Variants in ANKRD46 observed in about 807,000 individuals in gnomAD.
ANKRD46 encodes the protein ankyrin repeat domain 46, also known as ankyrin repeat domain-containing protein 46.
In ANKRD46, 13 loss-of-function variants were observed where a neutral mutation model predicts 19.8. That is an observed-to-expected ratio of 0.66 (90% CI 0.43 to 1.04). The LOEUF is 1.04. Ranked by LOEUF, ANKRD46 falls within the 50% of genes least tolerant of loss-of-function variation. The probability of loss-of-function intolerance (pLI) is 0.00; values close to 1 mark genes in which losing one functional copy is unlikely to be tolerated. For synonymous variants in ANKRD46, 91 were observed against 106.9 expected (o/e 0.85, Z 0.92); for missense variants, 185 against 274.8 (o/e 0.67, Z 2.31).
chr8:100,544,536 A>C lies in ANKRD46; in HGVS notation c.-130-11225T>G, dbSNP rs751211902. Among the ~76,000 whole-genome samples the C allele has an allele frequency of 2.8e-4, 43 of 152,342 alleles. No homozygotes were observed. Among genetic ancestry groups the C allele is most frequent in the Non-Finnish European group, 5.1e-4 (35 of 68,038 alleles). On this transcript the variant is annotated intron_variant, in intron 1 of 4. Coordinates refer to ENST00000335659, the MANE Select transcript of ANKRD46 (RefSeq NM_001270377.2). This position sits in a 1 kb window ranked among gnomAD's most constrained non-coding sequence, Gnocchi z 4.4. ...AAGGCAGACTTCCAGACTTGAATCA[A>C]GAGATCCATGATCTGTGAATTTATC...
intron 1 of ANKRD46, chr8:100,551,833 A>G (rs778477595): frequency 8.8e-5 from 33 of 376,888 alleles, no homozygotes; most frequent in Non-Finnish European, 1.6e-4. Flanking sequence ...TTTGGATAAC[A>G]GTCTTCATCA....
downstream of ANKRD46, among the ~76,000 whole-genome samples, chr8:100,515,878 T>C (rs1811623333): frequency 6.6e-6 from 1 of 151,904 alleles, no homozygotes; most frequent in Non-Finnish European, 1.5e-5. Flanking sequence ...GTTTTTGTTT[T>C]TTTTTTTTTT....
rs117419131 is a variant in ANKRD46, at chr8:100,534,136, G to A, written c.-130-825C>T. Among the ~76,000 whole-genome samples, 445 of 152,298 alleles carry A rather than the reference G, an allele frequency of 2.9e-3. 1 individual carries two copies. Among genetic ancestry groups the A allele is most frequent in the Non-Finnish European group, 3.2e-3 (215 of 68,026 alleles). On this transcript the variant is annotated intron_variant, in intron 1 of 4. Coordinates refer to ENST00000335659, the MANE Select transcript of ANKRD46 (RefSeq NM_001270377.2). This position sits in a 1 kb window ranked among gnomAD's most constrained non-coding sequence, Gnocchi z 4.2. ...AGTCCAAATCCCAAATTCCTGGTCA[G>A]GGTGAAATACAGGTTAACTTTTTAC...
chr8:100,550,784 C>A lies in ANKRD46; in HGVS notation c.-131+8927G>T, dbSNP rs547353625. The A allele has an allele frequency of 2.2e-6, 1 of 458,702 alleles. No homozygotes were observed. The highest frequency in any genetic ancestry group is 4.2e-6 in the Non-Finnish European group (1 of 235,650). The allele number at this position is 458,702 out of a possible 1,614,324, so 28.4% of individuals were successfully genotyped here. A position where few individuals can be genotyped will look rare whatever the true frequency, so the allele number is the denominator to read the frequency against. The stretch of plus-strand genomic sequence containing the variant: ...TGCTGTAGCCAAATTCACTGTTGTA[C>A]GAGGAAATGAGCTTGACAAAGTGGT... On this transcript the variant is annotated intron_variant, in intron 1 of 4. Transcript: ENST00000335659. This position sits in a 1 kb window ranked among gnomAD's most constrained non-coding sequence, Gnocchi z 4.4.
At chr8:100,555,054 A>G in intron 1 of ANKRD46, among the ~76,000 whole-genome samples, 1 of 152,076 alleles carries the variant, frequency 6.6e-6, no homozygotes, top group Non-Finnish European at 1.5e-5. Flanking sequence ...AGACATAACC[A>G]TAAACTTAAG....
chr8:100,530,892 C>T (rs978278202), intron 2 of ANKRD46, among the ~76,000 whole-genome samples: 3 of 152,240 alleles, frequency 2.0e-5, no homozygotes, highest in Middle Eastern at 3.4e-3. Context: ...TCTGGGAATA[C>T]CAAGTCAGGA....
intron 1 of ANKRD46, among the ~76,000 whole-genome samples, chr8:100,533,720 T>C (rs1295250081): frequency 2.0e-5 from 3 of 152,212 alleles, no homozygotes; most frequent in Admixed American, 2.0e-4. Context: ...ATACTATTCA[T>C]AGTGGGAAAA....
In ANKRD46 at chr8:100,543,647, ACT is replaced by A. The variant is rs1447504136; in HGVS notation, c.-130-10338_-130-10337del. On this transcript the variant is annotated intron_variant, in intron 1 of 4. Transcript: ENST00000335659. This position sits in a 1 kb window ranked among gnomAD's most constrained non-coding sequence, Gnocchi z 4.2. ...TCTTGTTTTTAAATAAATAAATTACACTCTCAGGATTGACGAGCTTTGGATTT... is the reference window on the plus strand; with the variant it reads ...TCTTGTTTTTAAATAAATAAATTACACTCAGGATTGACGAGCTTTGGATTT... Among the ~76,000 whole-genome samples the A allele has an allele frequency of 2.0e-5, 3 of 152,174 alleles. No homozygotes were observed. The highest frequency in any genetic ancestry group is 7.2e-5 in the African/African-American group (3 of 41,450).
In ANKRD46 at chr8:100,524,110, T is replaced by C. The variant is rs1211386459; in HGVS notation, c.471-1339A>G. ...ATTCTGGTTTTCAGAACTTTATCAA[T>C]GAGAAATACGACTACCACAAAGAGA... On this transcript the variant is annotated intron_variant, in intron 4 of 4. Transcript: ENST00000335659. This position sits in a 1 kb window ranked among gnomAD's most constrained non-coding sequence, Gnocchi z 4.3. Among the ~76,000 whole-genome samples the C allele has an allele frequency of 6.6e-6, 1 of 152,166 alleles. No homozygotes were observed. The highest frequency in any genetic ancestry group is 2.4e-5 in the African/African-American group (1 of 41,442).
At chr8:100,551,348 G>C (rs961547478) in intron 1 of ANKRD46, 5 of 576,050 alleles carry the variant, frequency 8.7e-6, no homozygotes, top group African/African-American at 1.9e-5. Flanking sequence ...CAGCAGAGGG[G>C]GTAGAGATGA....
rs559294529 is a variant in ANKRD46 at position 100,544,281 on chromosome 8, C to A, written c.-130-10970G>T. ...TTCCACCAGGAAAGAAAATACCTTA[C>A]TCATCCATGGGACCCGGACATAAAG... On this transcript the variant is annotated intron_variant, in intron 1 of 4. Transcript: ENST00000335659. The surrounding 1 kb of genome is among the most constrained non-coding windows in gnomAD (Gnocchi z 4.4). 6.6e-6 allele frequency among the ~76,000 whole-genome samples: 1 copy of A among 152,274 alleles called. No individual in the cohort carries two copies. The highest frequency in any genetic ancestry group is 2.1e-4 in the South Asian group (1 of 4,816).
At chr8:100,549,965 C>T (rs10955231) in intron 1 of ANKRD46, among the ~76,000 whole-genome samples, 19,324 of 152,106 alleles carry the variant, frequency 0.13, 2,504 homozygotes, top group African/African-American at 0.32. Flanking sequence ...GGCTTCTTTC[C>T]CTCATAATAC....
In ANKRD46 at chr8:100,534,802, C is replaced by T. The variant is rs1410988210; in HGVS notation, c.-130-1491G>A. Among the ~76,000 whole-genome samples, 1 of 152,214 alleles carries T rather than the reference C, an allele frequency of 6.6e-6. No individual in the cohort carries two copies. Among genetic ancestry groups the T allele is most frequent in the Non-Finnish European group, 1.5e-5 (1 of 68,046 alleles). ...TTTTTATTTTTGAGACAGAGTCTCA[C>T]TCTGTCGCTGGTGCCGGAGTGCAGT... On this transcript the variant is annotated intron_variant, in intron 1 of 4. Coordinates refer to ENST00000335659, the MANE Select transcript of ANKRD46 (RefSeq NM_001270377.2). The surrounding 1 kb of genome is among the most constrained non-coding windows in gnomAD (Gnocchi z 4.2).
intron 1 of ANKRD46, among the ~76,000 whole-genome samples, chr8:100,555,130 T>C (rs1812467162): frequency 6.6e-6 from 1 of 152,124 alleles, no homozygotes; most frequent in Admixed American, 6.6e-5. Flanking sequence ...GTGTCTTTTA[T>C]AGAATGCCTA....
intron 4 of ANKRD46, among the ~76,000 whole-genome samples, chr8:100,526,150 C>CA (rs969274918): frequency 3.9e-5 from 6 of 152,170 alleles, no homozygotes; most frequent in African/African-American, 4.8e-5. Flanking sequence ...TCTCATGCTG[C>CA]AGTGAAATGG....
chr8:100,518,765 T>C (rs1476290776), downstream of ANKRD46, among the ~76,000 whole-genome samples: 1 of 151,490 alleles, frequency 6.6e-6, no homozygotes, highest in Admixed American at 6.6e-5. Flanking sequence ...GGCAGGAGAA[T>C]GGCGTGAACC....
intron 4 of ANKRD46, among the ~76,000 whole-genome samples, chr8:100,526,495 T>C (rs770182479): frequency 6.6e-6 from 1 of 152,206 alleles, no homozygotes; most frequent in Non-Finnish European, 1.5e-5. Flanking sequence ...CTTATGCCAT[T>C]CTGTCAATCC....
downstream of ANKRD46, chr8:100,520,667 G>T: frequency 2.4e-6 from 1 of 422,634 alleles, no homozygotes; most frequent in Non-Finnish European, 3.1e-6. Flanking sequence ...CATTAGGTTT[G>T]AAAAAAAGCT....
chr8:100,555,587 T>C (rs1812480073), intron 1 of ANKRD46, among the ~76,000 whole-genome samples: 1 of 150,390 alleles, frequency 6.6e-6, no homozygotes, highest in Non-Finnish European at 1.5e-5. Context: ...TAAGAAGCTA[T>C]GCAAAAGAAA....
Sources: gnomAD v4.1 joint callset for allele counts (sites outside exome capture counted in the v4.1 genomes callset) on GRCh38, gnomAD v4.1.1 for gene constraint, Gnocchi (gnomAD v3.1) non-coding constraint, MANE v1.5 for transcripts, NCBI Gene and HGNC (gene_info 2026-07-23, HGNC 2026-07-21) for gene names.